The following GDA variants were observed in gnomAD, a reference collection of about 807,000 sequenced individuals.
GDA encodes cytoplasmic PSD-95 interactor.
GDA carries 18 observed loss-of-function variants against 59.6 expected under a neutral mutation model. The observed-to-expected ratio is 0.30, with a 90% CI of 0.21 to 0.45. GDA has a LOEUF of 0.45. Ranked by LOEUF, GDA falls within the 20% of genes least tolerant of loss-of-function variation. The pLI, the probability that GDA is intolerant of heterozygous loss-of-function variation, is 1.00. For synonymous variants in GDA, 201 were observed against 201.1 expected (o/e 1.00, Z 0.00); for missense variants, 427 against 552.3 (o/e 0.77, Z 2.27).
intron 1 of GDA, among the ~76,000 whole-genome samples, chr9:72,175,211 G>A (rs1830412473): frequency 6.6e-6 from 1 of 152,170 alleles, no homozygotes. Flanking sequence ...CTGTCACCCA[G>A]GCTGGAGTGC....
At chr9:72,152,983 G>A (rs924796162) in intron 1 of GDA, among the ~76,000 whole-genome samples, 1 of 152,136 alleles carries the variant, frequency 6.6e-6, no homozygotes, top group Non-Finnish European at 1.5e-5. Flanking sequence ...TGTAAGGAAG[G>A]GATCCAGTTT....
chr9:72,200,185 A>T (rs1269130648), intron 2 of GDA, among the ~76,000 whole-genome samples: 1 of 151,708 alleles, frequency 6.6e-6, no homozygotes, highest in Non-Finnish European at 1.5e-5. Context: ...TTTAGTAGAG[A>T]TGGGGTTTCA....
At chr9:72,233,382 T>C (rs948125579) in intron 10 of GDA, among the ~76,000 whole-genome samples, 3 of 152,030 alleles carry the variant, frequency 2.0e-5, no homozygotes, top group Admixed American at 6.5e-5. Context: ...TTTCAGAAAA[T>C]TGCCTTCATC....
intron 10 of GDA, among the ~76,000 whole-genome samples, chr9:72,240,849 T>G (rs76193950): frequency 0.011 from 1,712 of 152,322 alleles, 29 homozygotes; most frequent in African/African-American, 0.04. Flanking sequence ...CTGCCAACAC[T>G]TTAATTTCAG....
intron 10 of GDA, among the ~76,000 whole-genome samples, chr9:72,238,190 AT>A (rs1392748965): frequency 6.6e-6 from 1 of 152,158 alleles, no homozygotes; most frequent in African/African-American, 2.4e-5. Flanking sequence ...GCTTTTATGA[AT>A]AACCTGACTA....
upstream of GDA, among the ~76,000 whole-genome samples, chr9:72,146,746 C>G (rs927694835): frequency 1.3e-5 from 2 of 152,202 alleles, no homozygotes; most frequent in African/African-American, 4.8e-5. Context: ...CCCTCCTCAG[C>G]CTCCCAAAGT....
chr9:72,230,892 G>A (rs1166552561), intron 9 of GDA, among the ~76,000 whole-genome samples: 1 of 151,134 alleles, frequency 6.6e-6, no homozygotes, highest in East Asian at 1.9e-4. Context: ...TTGCTGCTTT[G>A]TGCCCACCTG....
chr9:72,248,292 G>A lies in GDA; in HGVS notation c.1315G>A (p.Glu439Lys). The A allele has an allele frequency of 6.2e-7, 1 of 1,612,254 alleles. No homozygotes were observed. The highest frequency in any genetic ancestry group is 8.5e-7 in the Non-Finnish European group (1 of 1,178,308). ...LYLGDDRNIE[E>K]VYVGGKQVVP... is the part of the protein sequence containing the mutation. Reference sequence around the variant, plus strand: ...TTCAGGAGATGATCGAAATATTGAAGAGGTTTATGTGGGCGGAAAGCAGGT... The same window carrying A: ...TTCAGGAGATGATCGAAATATTGAAAAGGTTTATGTGGGCGGAAAGCAGGT... Residue 439 changes from glutamate (E) to lysine (K), a missense_variant, in exon 14 of 14, where the codon GAG (glutamate) becomes AAG (lysine). Transcript: ENST00000358399.
intron 9 of GDA, among the ~76,000 whole-genome samples, chr9:72,230,299 C>A (rs1487595889): frequency 1.3e-5 from 2 of 152,010 alleles, no homozygotes; most frequent in African/African-American, 4.8e-5. Context: ...TCGAGACCAG[C>A]CTGACCAACA....
At chr9:72,116,386 CTTT>C (rs201791483) in intron 1 of GDA, among the ~76,000 whole-genome samples, 1 of 128,312 alleles carries the variant, frequency 7.8e-6, no homozygotes. Context: ...TTTCCCCAGC[CTTT>C]TTTTTTTTTT....
At chr9:72,168,521 A>G (rs1339524410) in intron 1 of GDA, among the ~76,000 whole-genome samples, 2 of 151,534 alleles carry the variant, frequency 1.3e-5, no homozygotes, top group East Asian at 1.9e-4. Flanking sequence ...CAACCACCCA[A>G]GTAGCTGGGA....
intron 3 of GDA, among the ~76,000 whole-genome samples, chr9:72,204,933 A>G (rs971196395): frequency 8.6e-5 from 13 of 151,854 alleles, no homozygotes; most frequent in Non-Finnish European, 1.9e-4. Context: ...CCAACATGGC[A>G]AAACCCTGTC....
Position 72,225,792 on chromosome 9 carries a change from T to G in GDA, c.822+8T>G, listed in dbSNP as rs1390181884. The stretch of plus-strand genomic sequence containing the variant: ...AATCTTTTGACAAATAAGGTAAGTT[T>G]TATATCATGACATAATCTGTTTAAA... On this transcript the variant is annotated splice_region_variant and intron_variant, in intron 8 of 13. Coordinates refer to ENST00000358399, the MANE Select transcript of GDA (RefSeq NM_004293.5). The G allele has an allele frequency of 1.9e-6, 2 of 1,042,854 alleles. No individual in the cohort carries two copies. The highest frequency in any genetic ancestry group is 2.9e-6 in the Non-Finnish European group (2 of 680,474). The allele number at this position is 1,042,854 out of a possible 1,614,324, so 64.6% of individuals were successfully genotyped here.
intron 3 of GDA, among the ~76,000 whole-genome samples, chr9:72,204,815 C>T (rs1355947436): frequency 6.6e-6 from 1 of 151,932 alleles, no homozygotes; most frequent in African/African-American, 2.4e-5. Flanking sequence ...TGATGTCAGG[C>T]CGAGTGTGAT....
At chr9:72,216,419 G>T (rs556057332) in intron 5 of GDA, among the ~76,000 whole-genome samples, 1 of 152,224 alleles carries the variant, frequency 6.6e-6, no homozygotes, top group East Asian at 1.9e-4. Context: ...CCAAATAGTG[G>T]AAACAACCAA....
chr9:72,259,315 G>A (rs549038051), downstream of GDA, among the ~76,000 whole-genome samples: 6 of 152,156 alleles, frequency 3.9e-5, no homozygotes, highest in African/African-American at 1.4e-4. Flanking sequence ...GAGCCACCGT[G>A]CCTGGCCACT....
At position 72,210,740 on chromosome 9, in the gene GDA, C is replaced by T; in HGVS notation, c.438C>T (p.His146=). The T allele has an allele frequency of 1.9e-6, 3 of 1,611,342 alleles. No individual in the cohort carries two copies. In the South Asian group the frequency reaches 3.3e-5, roughly 18 times the overall value. Residue 146 remains histidine (H), a synonymous_variant, in exon 4 of 14, where the codon CAC becomes CAT. Coordinates refer to ENST00000358399, the MANE Select transcript of GDA (RefSeq NM_004293.5). ...TTTACYFATI[H]TDSSLLLADI... is the part of the protein sequence containing the mutation. ...CAGCTTGTTACTTTGCAACAATTCA[C>T]ACTGACTCATCTCTGCTCCTTGCCG... is the stretch of plus-strand genomic sequence containing the variant.
At chr9:72,133,303 A>AG (rs1564150789) in intron 1 of GDA, among the ~76,000 whole-genome samples, 9 of 102,616 alleles carry the variant, frequency 8.8e-5, no homozygotes, top group Non-Finnish European at 1.9e-4. Context: ...AAAAAAAAAA[A>AG]AAAAAAATAA....
rs71493640 is a variant in GDA at position 72,189,166 on chromosome 9, C to CTTTTTTTTT, written c.124-6312_124-6304dup. 1.6e-4 allele frequency among the ~76,000 whole-genome samples: 9 copies of CTTTTTTTTT among 54,934 alleles called. 2 individuals carry two copies. The highest frequency in any genetic ancestry group is 4.6e-4 in the African/African-American group (4 of 8,726). The allele number at this position is 54,934 out of a possible 152,430, so 36.0% of individuals were successfully genotyped here. ...CATCTGATACAGAGGAGACTCTAGA[C>CTTTTTTTTT]TTTTTTTTTTTTTTTTTTTTTTTTT... is the stretch of plus-strand genomic sequence containing the variant. On this transcript the variant is annotated intron_variant, in intron 1 of 13. Transcript: ENST00000358399.
Sources: allele counts gnomAD v4.1 joint callset (sites outside exome capture counted in the v4.1 genomes callset), GRCh38; gene constraint gnomAD v4.1.1; transcripts MANE v1.5; gene names NCBI Gene and HGNC (gene_info 2026-07-23, HGNC 2026-07-21).